Variants in CACNG2 observed in about 807,000 individuals in gnomAD.
The protein encoded by CACNG2 is voltage-dependent calcium channel gamma-2 subunit.
Under a neutral mutation model 25.9 loss-of-function variants are expected in CACNG2, and 3 were observed. The observed-to-expected ratio is 0.12, with a 90% CI of 0.05 to 0.30. The LOEUF (loss-of-function observed/expected upper bound fraction) is 0.30. CACNG2 is among the 10% of genes least tolerant of loss of function. The pLI, the probability that CACNG2 is intolerant of heterozygous loss-of-function variation, is 1.00. For missense variants in CACNG2, 341 were observed against 432.5 expected, an observed-to-expected ratio of 0.79 and a Z score of 1.88; for synonymous variants, 167 against 173.3, an observed-to-expected ratio of 0.96 and a Z score of 0.29.
intron 2 of CACNG2, among the ~76,000 whole-genome samples, chr22:36,575,766 T>G (rs1935302794): frequency 6.6e-6 from 1 of 152,204 alleles, no homozygotes; most frequent in African/African-American, 2.4e-5. Flanking sequence ...ACCTGTTCCC[T>G]GTGCGAGTAA....
At chr22:36,618,898 C>T (rs999936777) in intron 1 of CACNG2, among the ~76,000 whole-genome samples, 5 of 105,608 alleles carry the variant, frequency 4.7e-5, no homozygotes, top group South Asian at 7.0e-4. Flanking sequence ...CCAGCCTAGG[C>T]GACAGAGCGA....
chr22:36,607,549 G>A (rs1352330727), intron 1 of CACNG2, among the ~76,000 whole-genome samples: 1 of 152,130 alleles, frequency 6.6e-6, no homozygotes, highest in Admixed American at 6.5e-5. Context: ...TGGTCCCCTT[G>A]GTCCATTTTA....
At chr22:36,651,801 T>G (rs1936620148) in intron 1 of CACNG2, among the ~76,000 whole-genome samples, 1 of 152,102 alleles carries the variant, frequency 6.6e-6, no homozygotes, top group African/African-American at 2.4e-5. Flanking sequence ...TACCCAGAAA[T>G]CTGGGAGTCA....
At chr22:36,642,267 A>G (rs1936451666) in intron 1 of CACNG2, among the ~76,000 whole-genome samples, 1 of 152,238 alleles carries the variant, frequency 6.6e-6, no homozygotes, top group South Asian at 2.1e-4. Flanking sequence ...AGCACTCAAT[A>G]AATGCTAGTT....
intron 1 of CACNG2, among the ~76,000 whole-genome samples, chr22:36,634,924 G>A (rs1936330914): frequency 6.6e-6 from 1 of 152,198 alleles, no homozygotes; most frequent in African/African-American, 2.4e-5. Flanking sequence ...GGTTGGCCTG[G>A]TTAGGGAAGA....
At chr22:36,679,383 T>C (rs769377604) in intron 1 of CACNG2, among the ~76,000 whole-genome samples, 1 of 152,090 alleles carries the variant, frequency 6.6e-6, no homozygotes, top group Non-Finnish European at 1.5e-5. Flanking sequence ...TCTATGTCAG[T>C]AGGGCTCCTG....
At chr22:36,687,782 C>T (rs953110794) in intron 1 of CACNG2, among the ~76,000 whole-genome samples, 7 of 151,980 alleles carry the variant, frequency 4.6e-5, no homozygotes, top group South Asian at 2.1e-4. Flanking sequence ...AGGAGAATCA[C>T]GAGAAGGACT....
chr22:36,650,863 G>A (rs1936601264), intron 1 of CACNG2, among the ~76,000 whole-genome samples: 2 of 152,060 alleles, frequency 1.3e-5, no homozygotes, highest in Non-Finnish European at 2.9e-5. Context: ...CCTGCCTCGG[G>A]GCCTTTGCGT....
At chr22:36,578,474 G>T (rs913264474) in intron 2 of CACNG2, among the ~76,000 whole-genome samples, 1 of 151,980 alleles carries the variant, frequency 6.6e-6, no homozygotes, top group Non-Finnish European at 1.5e-5. Flanking sequence ...ACCTAAAAAA[G>T]CACTGTTCAC....
intron 1 of CACNG2, among the ~76,000 whole-genome samples, chr22:36,648,275 G>A (rs1007233442): frequency 5.3e-5 from 8 of 152,166 alleles, no homozygotes; most frequent in African/African-American, 1.9e-4. Context: ...GTAATGAAAT[G>A]CAAATAAAAA....
chr22:36,626,483 C>A (rs1268569000), intron 1 of CACNG2, among the ~76,000 whole-genome samples: 1 of 152,026 alleles, frequency 6.6e-6, no homozygotes, highest in East Asian at 1.9e-4. Flanking sequence ...CTCCTTCTTC[C>A]CGCTCCTCCT....
intron 1 of CACNG2, among the ~76,000 whole-genome samples, chr22:36,600,881 C>T (rs1935745640): frequency 6.6e-6 from 1 of 151,980 alleles, no homozygotes; most frequent in South Asian, 2.1e-4. Flanking sequence ...ATTGTGTATA[C>T]TTTAAGGTAT....
At chr22:36,592,725 AC>A (rs200207669) in intron 1 of CACNG2, among the ~76,000 whole-genome samples, 4,020 of 152,266 alleles carry the variant, frequency 0.026, 124 homozygotes, top group Admixed American at 0.084. Flanking sequence ...ATGCTTTGAC[AC>A]AGGAAACCAC....
chr22:36,670,758 A>G (rs1044414991), intron 1 of CACNG2, among the ~76,000 whole-genome samples: 2 of 151,888 alleles, frequency 1.3e-5, no homozygotes, highest in Non-Finnish European at 2.9e-5. Context: ...CAGTCCCTCA[A>G]GTAGCTGAGA....
At chr22:36,680,641 CATCATT>C in intron 1 of CACNG2, among the ~76,000 whole-genome samples, 1 of 127,458 alleles carries the variant, frequency 7.8e-6, no homozygotes, top group Non-Finnish European at 1.7e-5. Flanking sequence ...CTAACACCAC[CATCATT>C]ATCACCACCA....
intron 1 of CACNG2, among the ~76,000 whole-genome samples, chr22:36,671,708 G>A (rs1936953044): frequency 6.6e-6 from 1 of 152,162 alleles, no homozygotes; most frequent in African/African-American, 2.4e-5. Flanking sequence ...GACACCCAGA[G>A]GCATCTGTGT....
intron 1 of CACNG2, among the ~76,000 whole-genome samples, chr22:36,668,498 T>A (rs1296136205): frequency 1.3e-5 from 2 of 151,872 alleles, no homozygotes; most frequent in Admixed American, 6.6e-5. Flanking sequence ...GTGAATTTTT[T>A]TTTTTTTTGA....
At chr22:36,617,623 T>G (rs763192897) in intron 1 of CACNG2, among the ~76,000 whole-genome samples, 24 of 147,976 alleles carry the variant, frequency 1.6e-4, no homozygotes, top group Non-Finnish European at 3.1e-4. Flanking sequence ...ACCCTGATCC[T>G]GGGCATCTAG....
intron 1 of CACNG2, among the ~76,000 whole-genome samples, chr22:36,696,372 C>A (rs1288854164): frequency 1.3e-5 from 2 of 152,090 alleles, no homozygotes; most frequent in Non-Finnish European, 2.9e-5. Context: ...CTCACTCCTT[C>A]CTCTGTATTG....
Sources: gnomAD v4.1 joint callset for allele counts (sites outside exome capture counted in the v4.1 genomes callset) on GRCh38, gnomAD v4.1.1 for gene constraint, MANE v1.5 for transcripts, NCBI Gene and HGNC (gene_info 2026-07-23, HGNC 2026-07-21) for gene names.